The following PLK3 variants were observed in gnomAD, a reference collection of about 807,000 sequenced individuals.
The protein encoded by PLK3 is polo like kinase 3.
PLK3 carries 41 observed loss-of-function variants against 71.6 expected under a neutral mutation model. That is an observed-to-expected ratio of 0.57 (90% CI 0.45 to 0.74). The LOEUF is 0.74. Among genes scored for constraint, PLK3 ranks in the 30% least tolerant of loss-of-function variants. PLK3 has a pLI of 0.00. For synonymous variants in PLK3, 366 were observed against 355.4 expected (o/e 1.03, Z -0.33); for missense variants, 791 against 875.6 (o/e 0.90, Z 1.22).
At position 44,800,413 on chromosome 1, in the gene PLK3, G is replaced by C. The variant is rs960214996; in HGVS notation, c.-51G>C. On this transcript the variant is annotated 5_prime_UTR_variant, in exon 1 of 15. Coordinates refer to ENST00000372201, the MANE Select transcript of PLK3 (RefSeq NM_004073.4). The surrounding 1 kb of genome is among the most constrained non-coding windows in gnomAD (Gnocchi z 6.5). Reference sequence around the variant, plus strand: ...AATCCAGGCAGCGCCACGCGCGGCCGGGGCCGGGCGGAACCGAGAAGCCGG... The same window carrying C: ...AATCCAGGCAGCGCCACGCGCGGCCCGGGCCGGGCGGAACCGAGAAGCCGG... The C allele has an allele frequency of 3.1e-5, 39 of 1,253,812 alleles. No homozygotes were observed. The African/African-American group carries it at 5.5e-4, about 18-fold the overall frequency. 77.7% of individuals were successfully genotyped at this position (1,253,812 alleles called of 1,614,324 possible). A position where few individuals can be genotyped will look rare whatever the true frequency, so the allele number is the denominator to read the frequency against.
In PLK3 at chr1:44,805,957, G is replaced by A. The variant is rs745804588; in HGVS notation, c.*279G>A. 1 of 1,510,000 alleles carries A rather than the reference G, an allele frequency of 6.6e-7. No individual in the cohort carries two copies. Among genetic ancestry groups the A allele is most frequent in the Non-Finnish European group, 8.9e-7 (1 of 1,129,374 alleles). 93.5% of individuals were successfully genotyped at this position (1,510,000 alleles called of 1,614,324 possible). On this transcript the variant is annotated 3_prime_UTR_variant, in exon 15 of 15. Coordinates refer to ENST00000372201, the MANE Select transcript of PLK3 (RefSeq NM_004073.4). ...TTATTGGGATGTGAGCCCCAGGGGG[G>A]CCTCCTCCTAGGATAATAAACAATT...
In PLK3 at chr1:44,803,530, C is replaced by T. The variant is rs1257151016; in HGVS notation, c.1073-70C>T. ...TACAGGCACTTGGGGAGGCCAATCT[C>T]TGTGTCATCCCTGTCGGAAGTGGAG... On this transcript the variant is annotated intron_variant, in intron 8 of 14. Transcript: ENST00000372201. The surrounding 1 kb of genome is among the most constrained non-coding windows in gnomAD (Gnocchi z 4.3). 4 of 1,571,134 alleles carry T rather than the reference C, an allele frequency of 2.5e-6. No individual in the cohort carries two copies. Among genetic ancestry groups the T allele is most frequent in the Non-Finnish European group, 3.5e-6 (4 of 1,143,268 alleles).
chr1:44,802,360 A>C (rs17883304), intron 5 of PLK3, among the ~76,000 whole-genome samples: 33,876 of 152,016 alleles, frequency 0.22, 4,564 homozygotes, highest in African/African-American at 0.38. Context: ...TGACACAGAT[A>C]GCGTATGTGG....
Position 44,804,398 on chromosome 1 carries a change from G to C in PLK3, c.1402G>C (p.Val468Leu), listed in dbSNP as rs754905051. Residue 468 changes from valine (V) to leucine (L), a missense_variant, in exon 12 of 15, where the codon GTT becomes CTT. Physicochemically the swap from Val to Leu is conservative, Grantham distance 32. Coordinates refer to ENST00000372201, the MANE Select transcript of PLK3 (RefSeq NM_004073.4). Reference protein sequence around the residue: ...PEPLVWVSKWVDYSNKFGFGY... With the variant: ...PEPLVWVSKWLDYSNKFGFGY... The stretch of plus-strand genomic sequence containing the variant: ...GCCTCTGGTGTGGGTCAGCAAGTGG[G>C]TTGACTACTCCAATAAGTTCGGCTT... 9.3e-6 allele frequency: 15 copies of C among 1,614,088 alleles called. No homozygotes were observed. The highest frequency in any genetic ancestry group is 1.7e-5 in the Admixed American group (1 of 60,004).
chr1:44,803,953 C>T lies in PLK3; in HGVS notation c.1187C>T (p.Ala396Val), dbSNP rs1198193494. The stretch of plus-strand genomic sequence containing the variant: ...CAGGCTCCAGCAGCTTCTGGCCCAG[C>T]CCCTGTCAGCCTGGTAGAGACAGCA... ...RPEAPAASGP[A>V]PVSLVETAPE... Residue 396 changes from alanine (A) to valine (V), a missense_variant, in exon 10 of 15, where the codon GCC (alanine) becomes GTC (valine). Physicochemically the swap from Ala to Val is moderately conservative, Grantham distance 64 (BLOSUM62 0). Coordinates refer to ENST00000372201, the MANE Select transcript of PLK3 (RefSeq NM_004073.4). The surrounding 1 kb of genome is among the most constrained non-coding windows in gnomAD (Gnocchi z 4.3). 6.4e-7 allele frequency: 1 copy of T among 1,551,484 alleles called. No homozygotes were observed. Among genetic ancestry groups the T allele is most frequent in the East Asian group, 2.4e-5 (1 of 40,986 alleles).
At chr1:44,801,519 CT>C in intron 3 of PLK3, 102 bp from the exon 4 acceptor site, 1 of 1,319,252 alleles carries the variant, frequency 7.6e-7, no homozygotes, top group Non-Finnish European at 1.1e-6. Context: ...AGAAGACAGT[CT>C]TAAGACCCAA....
Position 44,805,818 on chromosome 1 carries a change from G to A in PLK3, c.*140G>A. The stretch of plus-strand genomic sequence containing the variant: ...ATCAGGGACCAGCTTTACTGGAGTT[G>A]GGGGCGGCTTGTCTTCGCTGGCTCC... On this transcript the variant is annotated 3_prime_UTR_variant, in exon 15 of 15. Transcript: ENST00000372201. 1 of 1,304,012 alleles carries A rather than the reference G, an allele frequency of 7.7e-7. No homozygotes were observed. Among genetic ancestry groups the A allele is most frequent in the Non-Finnish European group, 1.0e-6 (1 of 968,762 alleles). 80.8% of individuals were successfully genotyped at this position (1,304,012 alleles called of 1,614,324 possible). A position where few individuals can be genotyped will look rare whatever the true frequency, so the allele number is the denominator to read the frequency against.
intron 4 of PLK3, 30 bp downstream of exon 4, chr1:44,801,781 G>A: frequency 1.2e-6 from 1 of 841,108 alleles, no homozygotes; most frequent in Non-Finnish European, 1.9e-6. Context: ...AGGATGGGAG[G>A]TTGGGGAGGG....
intron 13 of PLK3, 49 bp downstream of exon 13, chr1:44,804,828 G>T: frequency 1.3e-6 from 2 of 1,592,632 alleles, no homozygotes; most frequent in South Asian, 1.1e-5. Context: ...CATCCTGGCC[G>T]GGTGCGGTGG....
chr1:44,800,645 C>G lies in PLK3; in HGVS notation c.182C>G (p.Thr61Ser), dbSNP rs17884581. 9.0e-6 allele frequency: 14 copies of G among 1,547,154 alleles called. No homozygotes were observed. The highest frequency in any genetic ancestry group is 5.5e-5 in the African/African-American group (4 of 73,178). Residue 61 changes from threonine to serine, a missense_variant, in exon 1 of 15, where the codon ACC becomes AGC. By Grantham distance (58) the Thr-to-Ser change is moderately conservative (BLOSUM62 1). Coordinates refer to ENST00000372201, the MANE Select transcript of PLK3 (RefSeq NM_004073.4). The surrounding 1 kb of genome is among the most constrained non-coding windows in gnomAD (Gnocchi z 6.5). Reference protein sequence around the residue: ...RLITDPRSGRTYLKGRLLGKG... With the variant: ...RLITDPRSGRSYLKGRLLGKG... The stretch of plus-strand genomic sequence containing the variant: ...ATCACGGACCCGCGCAGCGGCCGCA[C>G]CTACCTCAAAGGCCGCTTGTTGGGC...
chr1:44,803,083 C>T lies in PLK3; in HGVS notation c.878C>T (p.Ala293Val). ...CTGCCTGCCCGGCAGCTCCTGGCCG[C>T]CATCCTTCGGGCCTCACCCCGAGAC... ...LSLPARQLLA[A>V]ILRASPRDRP... Residue 293 changes from alanine to valine, a missense_variant, in exon 7 of 15, where the codon GCC becomes GTC. By Grantham distance (64) the Ala-to-Val change is moderately conservative. Transcript: ENST00000372201. The surrounding 1 kb of genome is among the most constrained non-coding windows in gnomAD (Gnocchi z 4.3). 6.2e-7 allele frequency: 1 copy of T among 1,613,908 alleles called. No individual in the cohort carries two copies. The highest frequency in any genetic ancestry group is 8.5e-7 in the Non-Finnish European group (1 of 1,180,000).
At position 44,803,310 on chromosome 1, in the gene PLK3, G is replaced by A; in HGVS notation, c.991G>A (p.Val331Ile). ...ACTCCCTATCAGCAGCTGCGTGACAGTCCCAGACCTGACACCCCCCAACCC... is the reference window on the plus strand; with the variant it reads ...ACTCCCTATCAGCAGCTGCGTGACAATCCCAGACCTGACACCCCCCAACCC... ...DRLPISSCVT[V>I]PDLTPPNPAR... The change falls in exon 8 of 15, where the codon GTC becomes ATC. Residue 331 changes from valine (V) to isoleucine (I), a missense_variant. Coordinates refer to ENST00000372201, the MANE Select transcript of PLK3 (RefSeq NM_004073.4). The surrounding 1 kb of genome is among the most constrained non-coding windows in gnomAD (Gnocchi z 4.3). 1 of 1,614,162 alleles carries A rather than the reference G, an allele frequency of 6.2e-7. No individual in the cohort carries two copies. The highest frequency in any genetic ancestry group is 8.5e-7 in the Non-Finnish European group (1 of 1,180,014).
In PLK3 at chr1:44,803,125, A is replaced by G. The variant is rs1651890846; in HGVS notation, c.920A>G (p.Gln307Arg). 6.2e-7 allele frequency: 1 copy of G among 1,613,682 alleles called. No individual in the cohort carries two copies. Among genetic ancestry groups the G allele is most frequent in the Non-Finnish European group, 8.5e-7 (1 of 1,179,940 alleles). ...ASPRDRPSID[Q>R]ILRHDFFTKG... is the part of the protein sequence containing the mutation. Reference sequence around the variant, plus strand: ...CCCCGAGACCGCCCCTCTATTGACCAGATCCTGCGCCATGACTTCTTTACC... The same window carrying G: ...CCCCGAGACCGCCCCTCTATTGACCGGATCCTGCGCCATGACTTCTTTACC... Residue 307 changes from glutamine (Q) to arginine (R), a missense_variant, in exon 7 of 15, where the codon CAG (glutamine) becomes CGG (arginine). By Grantham distance (43) the Gln-to-Arg change is conservative. Coordinates refer to ENST00000372201, the MANE Select transcript of PLK3 (RefSeq NM_004073.4). The surrounding 1 kb of genome is among the most constrained non-coding windows in gnomAD (Gnocchi z 4.3).
At position 44,803,006 on chromosome 1, in the gene PLK3, G is replaced by C; in HGVS notation, c.801G>C (p.Glu267Asp). 1.2e-6 allele frequency: 2 copies of C among 1,614,032 alleles called. No individual in the cohort carries two copies. The highest frequency in any genetic ancestry group is 8.5e-7 in the Non-Finnish European group (1 of 1,179,972). The part of the protein sequence containing the change: ...SPPFETADLK[E>D]TYRCIKQVHY... The stretch of plus-strand genomic sequence containing the variant: ...CCTTTGAGACGGCTGACCTGAAGGA[G>C]ACGTACCGCTGCATCAAGCAGGTTC... Residue 267 changes from glutamate to aspartate, a missense_variant, in exon 7 of 15, where the codon GAG (glutamate) becomes GAC (aspartate). By Grantham distance (45) the Glu-to-Asp change is conservative. Coordinates refer to ENST00000372201, the MANE Select transcript of PLK3 (RefSeq NM_004073.4). The surrounding 1 kb of genome is among the most constrained non-coding windows in gnomAD (Gnocchi z 4.3).
chr1:44,801,122 C>T lies in PLK3; in HGVS notation c.405C>T (p.Ile135=). ...FSHHFEDADN[I]YIFLELCSRK... ...ACCACTTTGAGGACGCTGACAACAT[C>T]TACATTTTCTTGGAGCTCTGCAGCC... The change falls in exon 3 of 15, where the codon ATC becomes ATT. Residue 135 remains isoleucine, a synonymous_variant. Coordinates refer to ENST00000372201, the MANE Select transcript of PLK3 (RefSeq NM_004073.4). The T allele has an allele frequency of 6.2e-7, 1 of 1,611,506 alleles. No homozygotes were observed. The highest frequency in any genetic ancestry group is 8.5e-7 in the Non-Finnish European group (1 of 1,178,618).
chr1:44,802,863 G>A lies in PLK3; in HGVS notation c.749+8G>A. 6.2e-7 allele frequency: 1 copy of A among 1,611,882 alleles called. No individual in the cohort carries two copies. Among genetic ancestry groups the A allele is most frequent in the Non-Finnish European group, 8.5e-7 (1 of 1,177,960 alleles). On this transcript the variant is annotated splice_region_variant and intron_variant, in intron 6 of 14. Transcript: ENST00000372201. ...GTCACTGGGCTGTGTCATGTGAGTT[G>A]CAGGGTCCAGGTTCAGCAGCAGACA...
chr1:44,802,967 C>T lies in PLK3; in HGVS notation c.762C>T (p.Leu254=), dbSNP rs1651879430. Residue 254 remains leucine, a synonymous_variant, in exon 7 of 15, where the codon CTC becomes CTT. Transcript: ENST00000372201. ...WSLGCVMYTL[L]CGSPPFETAD... is the part of the protein sequence containing the mutation. The stretch of plus-strand genomic sequence containing the variant: ...CCCTGCCCTATAGGTACACGCTGCT[C>T]TGCGGGAGCCCTCCCTTTGAGACGG... 6.2e-7 allele frequency: 1 copy of T among 1,614,028 alleles called. No homozygotes were observed. The highest frequency in any genetic ancestry group is 8.5e-7 in the Non-Finnish European group (1 of 1,179,934).
rs756362842 is a variant in PLK3 at position 44,801,654 on chromosome 1, C to G, written c.468C>G (p.Thr156=). 1.2e-6 allele frequency: 2 copies of G among 1,613,522 alleles called. No individual in the cohort carries two copies. The highest frequency in any genetic ancestry group is 1.7e-6 in the Non-Finnish European group (2 of 1,179,922). The part of the protein sequence containing the change: ...SLAHIWKARH[T]LLEPEVRYYL... ...CCCACATCTGGAAGGCCCGGCACAC[C>G]CTGTTGGAGCCAGAAGTGCGCTACT... Residue 156 remains threonine, a synonymous_variant, in exon 4 of 15, where the codon ACC becomes ACG. Transcript: ENST00000372201.
Position 44,803,901 on chromosome 1 carries a change from G to A in PLK3, c.1165-30G>A, listed in dbSNP as rs1330124183. 4 of 1,492,674 alleles carry A rather than the reference G, an allele frequency of 2.7e-6. No individual in the cohort carries two copies. The highest frequency in any genetic ancestry group is 3.7e-6 in the Non-Finnish European group (4 of 1,094,694). 92.5% of individuals were successfully genotyped at this position (1,492,674 alleles called of 1,614,324 possible). On this transcript the variant is annotated intron_variant, in intron 9 of 14. Coordinates refer to ENST00000372201, the MANE Select transcript of PLK3 (RefSeq NM_004073.4). The surrounding 1 kb of genome is among the most constrained non-coding windows in gnomAD (Gnocchi z 4.3). ...CAAGGGTTTGGATTTTGGGGCCTGT[G>A]TCACTCCCTTTCCCTGCCCAACCCT...
Sources: gnomAD v4.1 joint callset for allele counts (sites outside exome capture counted in the v4.1 genomes callset) on GRCh38, gnomAD v4.1.1 for gene constraint, Gnocchi (gnomAD v3.1) non-coding constraint, MANE v1.5 for transcripts, NCBI Gene and HGNC (gene_info 2026-07-23, HGNC 2026-07-21) for gene names.